The following C11orf65 variants were observed in gnomAD, a reference collection of about 807,000 sequenced individuals.
The protein encoded by C11orf65 is chromosome 11 open reading frame 65.
C11orf65 carries 38 observed loss-of-function variants against 35.3 expected under a neutral mutation model. The ratio of observed to expected loss-of-function variants is 1.08; its 90% CI spans 0.83 to 1.41. The LOEUF (loss-of-function observed/expected upper bound fraction) is 1.41. Ranked by LOEUF, C11orf65 falls within the 40% of genes most tolerant of loss-of-function variation. C11orf65 has a pLI of 0.00. For synonymous variants in C11orf65, 105 were observed against 114.4 expected, an observed-to-expected ratio of 0.92 and a Z score of 0.53; for missense variants, 370 against 367.1, an observed-to-expected ratio of 1.01 and a Z score of -0.06.
chr11:108,463,441 G>T (rs1385883645), intron 1 of C11orf65, among the ~76,000 whole-genome samples: 3 of 151,832 alleles, frequency 2.0e-5, no homozygotes, highest in Admixed American at 1.3e-4. Context: ...TTGGGAGAAG[G>T]TTCGCTATGA....
chr11:108,354,943 TCACTGATGTGAAGAG>T, intron 2 of C11orf65: 1 of 1,304,882 alleles, frequency 7.7e-7, no homozygotes, highest in Non-Finnish European at 1.1e-6. Flanking sequence ...CATCAGGAAG[TCACTGATGTGAAGAG>T]CACTGCTTCA....
intron 1 of C11orf65, among the ~76,000 whole-genome samples, chr11:108,466,714 A>T (rs1174726953): frequency 6.6e-6 from 1 of 152,264 alleles, no homozygotes; most frequent in African/African-American, 2.4e-5. Context: ...TCCCTAATCA[A>T]TAAAATTTTT....
intron 3 of C11orf65, 128 bp from the exon 4 acceptor site, chr11:108,407,277 C>T: frequency 1.4e-6 from 1 of 718,362 alleles, no homozygotes; most frequent in Non-Finnish European, 2.1e-6. Flanking sequence ...GTCAGGTGAA[C>T]CAACCTCAAA....
chr11:108,332,650 T>C, intron 3 of C11orf65: 1 of 1,147,500 alleles, frequency 8.7e-7, no homozygotes, highest in Non-Finnish European at 1.2e-6. Context: ...TTATAATCAT[T>C]CCATTGTCTA....
In C11orf65 at chr11:108,335,921, C is replaced by T. The variant is rs730881321; in HGVS notation, c.227-629G>A. On this transcript the variant is annotated intron_variant, in intron 2 of 3. Coordinates refer to the C11orf65 transcript ENST00000524755. Reference sequence around the variant, plus strand: ...TGTAATACATTACTGCAGAGAAACACGGAAACTAGGAAGAGGAAATTAACT... The same window carrying T: ...TGTAATACATTACTGCAGAGAAACATGGAAACTAGGAAGAGGAAATTAACT... 1.2e-5 allele frequency: 20 copies of T among 1,613,684 alleles called. No individual in the cohort carries two copies. The highest frequency in any genetic ancestry group is 1.6e-4 in the Middle Eastern group (1 of 6,084).
chr11:108,398,610 C>T (rs2092372154), intron 6 of C11orf65, among the ~76,000 whole-genome samples: 2 of 152,200 alleles, frequency 1.3e-5, no homozygotes, highest in Non-Finnish European at 1.5e-5. Context: ...TGTGCATTGG[C>T]TTATCACCAG....
intron 2 of C11orf65, among the ~76,000 whole-genome samples, chr11:108,340,860 T>C (rs1385863925): frequency 6.6e-6 from 1 of 152,228 alleles, no homozygotes; most frequent in Admixed American, 6.5e-5. Flanking sequence ...ATACCTTATA[T>C]AGTGTAAATG....
At chr11:108,430,099 A>AATGTGTTT (rs2092963484) in intron 3 of C11orf65, among the ~76,000 whole-genome samples, 1 of 151,488 alleles carries the variant, frequency 6.6e-6, no homozygotes, top group African/African-American at 2.4e-5. Context: ...ACACATTATA[A>AATGTGTTT]ATGTGTTTAG....
chr11:108,460,935 G>C (rs942293141), intron 2 of C11orf65, among the ~76,000 whole-genome samples: 4 of 151,948 alleles, frequency 2.6e-5, no homozygotes, highest in African/African-American at 9.7e-5. Context: ...ATGTTCGTCA[G>C]GCTGGTCTCA....
In C11orf65 at chr11:108,424,603, C is replaced by T. The variant is rs150562648; in HGVS notation, c.174+7143G>A. On this transcript the variant is annotated intron_variant, in intron 3 of 8. Coordinates refer to ENST00000393084, the MANE Select transcript of C11orf65 (RefSeq NM_152587.5). ...CCCCTGTCAACATTAGACAGATCAA[C>T]GAGACAGAAAATTAACAAGGATATT... is the stretch of plus-strand genomic sequence containing the variant. 2.5e-3 allele frequency among the ~76,000 whole-genome samples: 375 copies of T among 152,220 alleles called. 9 individuals are homozygous for T. In the East Asian group the frequency reaches 0.069, roughly 28 times the overall value.
chr11:108,446,162 T>C (rs1272711740), intron 2 of C11orf65, among the ~76,000 whole-genome samples: 4 of 152,124 alleles, frequency 2.6e-5, no homozygotes, highest in East Asian at 3.8e-4. Context: ...CTGATTGGTG[T>C]ACCTGAAAGT....
At chr11:108,349,660 C>CA (rs979098864) in intron 2 of C11orf65, among the ~76,000 whole-genome samples, 15 of 149,718 alleles carry the variant, frequency 1.0e-4, no homozygotes, top group East Asian at 5.9e-4. Context: ...AAGACTGTCT[C>CA]AAAAAAAAAG....
At chr11:108,376,727 C>T (rs936969747) in intron 2 of C11orf65, among the ~76,000 whole-genome samples, 5 of 151,904 alleles carry the variant, frequency 3.3e-5, no homozygotes, top group Non-Finnish European at 5.9e-5. Flanking sequence ...ATTAATAGAC[C>T]GCTAGCAAGA....
At position 108,403,409 on chromosome 11, in the gene C11orf65, G is replaced by GTTTTTTTTTTTTTTTTTTTTT. The variant is rs71047691; in HGVS notation, c.560+2019_560+2020insAAAAAAAAAAAAAAAAAAAAA. On this transcript the variant is annotated intron_variant, in intron 6 of 8. Transcript: ENST00000393084. ...ACTTTAAAATGTGATTGTTTGAGAG[G>GTTTTTTTTTTTTTTTTTTTTT]TTTTTTTTTTGTTTTTTTTTTTTTT... Among the ~76,000 whole-genome samples, 94 of 67,296 alleles carry GTTTTTTTTTTTTTTTTTTTTT rather than the reference G, an allele frequency of 1.4e-3. 4 individuals carry two copies. The highest frequency in any genetic ancestry group is 1.9e-3 in the Non-Finnish European group (70 of 36,208). The allele number at this position is 67,296 out of a possible 152,430, so 44.1% of individuals were successfully genotyped here. A position where few individuals can be genotyped will look rare whatever the true frequency, so the allele number is the denominator to read the frequency against.
chr11:108,325,859 T>C (rs113858992), intron 6 of C11orf65, among the ~76,000 whole-genome samples: 2 of 152,028 alleles, frequency 1.3e-5, no homozygotes, highest in African/African-American at 2.4e-5. Context: ...TACATACATA[T>C]AGAGAGAGAC....
At chr11:108,337,901 T>G (rs2087029971) in intron 2 of C11orf65, among the ~76,000 whole-genome samples, 1 of 152,234 alleles carries the variant, frequency 6.6e-6, no homozygotes, top group African/African-American at 2.4e-5. Context: ...GATACACAAT[T>G]GAACCTCCAA....
chr11:108,319,125 C>T (rs1280732744), intron 6 of C11orf65, among the ~76,000 whole-genome samples: 6 of 151,808 alleles, frequency 4.0e-5, no homozygotes, highest in Admixed American at 6.6e-5. Flanking sequence ...TGCAGTGAGC[C>T]GAGATCATGC....
chr11:108,418,550 C>T (rs1244185212), intron 3 of C11orf65, among the ~76,000 whole-genome samples: 1 of 151,808 alleles, frequency 6.6e-6, no homozygotes, highest in Non-Finnish European at 1.5e-5. Flanking sequence ...AATACATATA[C>T]CAGAAAAGGC....
At chr11:108,316,299 A>G (rs2084644309) in intron 6 of C11orf65, among the ~76,000 whole-genome samples, 2 of 152,318 alleles carry the variant, frequency 1.3e-5, no homozygotes, top group African/African-American at 4.8e-5. Flanking sequence ...AAAAAAGAGA[A>G]AAAATTCAGG....
Sources: allele counts gnomAD v4.1 joint callset (sites outside exome capture counted in the v4.1 genomes callset), GRCh38; gene constraint gnomAD v4.1.1; transcripts MANE v1.5; gene names NCBI Gene and HGNC (gene_info 2026-07-23, HGNC 2026-07-21).